The following DRG2 variants were observed in gnomAD, a reference collection of about 807,000 sequenced individuals.
DRG2 encodes developmentally regulated GTP binding protein 2.
In DRG2, 36 loss-of-function variants were observed where a neutral mutation model predicts 53.4. The ratio of observed to expected loss-of-function variants is 0.67; its 90% CI spans 0.52 to 0.89. DRG2 has a LOEUF of 0.89. Among genes scored for constraint, DRG2 ranks in the 40% least tolerant of loss-of-function variants. The pLI is 0.00. For missense variants in DRG2, 342 were observed against 481.2 expected, an observed-to-expected ratio of 0.71 and a Z score of 2.71; for synonymous variants, 167 against 192.1, an observed-to-expected ratio of 0.87 and a Z score of 1.08.
chr17:18,100,080 C>T lies in DRG2; in HGVS notation c.468-283C>T, dbSNP rs149156770. 431 of 578,330 alleles carry T rather than the reference C, an allele frequency of 7.5e-4. 1 individual carries two copies. The highest frequency in any genetic ancestry group is 7.0e-3 in the African/African-American group (373 of 53,610). 35.8% of individuals were successfully genotyped at this position (578,330 alleles called of 1,614,324 possible). On this transcript the variant is annotated intron_variant, in intron 5 of 12. Coordinates refer to ENST00000225729, the MANE Select transcript of DRG2 (RefSeq NM_001388.5). The surrounding 1 kb of genome is among the most constrained non-coding windows in gnomAD (Gnocchi z 4.1). ...GAGGGGTACACCAGGCCTGCCTCCT[C>T]GGGACCAGAAGGAGTACCCTCATGT...
rs184400628 is a variant in DRG2, at chr17:18,101,258, C to T, written c.632-235C>T. On this transcript the variant is annotated intron_variant, in intron 7 of 12. Coordinates refer to ENST00000225729, the MANE Select transcript of DRG2 (RefSeq NM_001388.5). ...GATTCTAGCAGGTACGTTTTTCTCCCTGCCTAGCTGTCAAGATTAAAACTC... is the reference window on the plus strand; with the variant it reads ...GATTCTAGCAGGTACGTTTTTCTCCTTGCCTAGCTGTCAAGATTAAAACTC... 2.4e-3 allele frequency among the ~76,000 whole-genome samples: 373 copies of T among 152,348 alleles called. 4 individuals are homozygous for T. Among genetic ancestry groups the T allele is most frequent in the Admixed American group, 0.021 (326 of 15,296 alleles).
intron 11 of DRG2, chr17:18,105,489 A>G (rs2045613200): frequency 6.6e-6 from 1 of 152,278 alleles, no homozygotes; most frequent in Non-Finnish European, 1.5e-5. Flanking sequence ...GTGCCACCCT[A>G]GAGGTGTTAA....
At chr17:18,090,373 TATATATATATATATATA>T (rs2045297358) in intron 1 of DRG2, among the ~76,000 whole-genome samples, 1 of 10,866 alleles carries the variant, frequency 9.2e-5, no homozygotes, top group Non-Finnish European at 1.5e-4. Flanking sequence ...CTAATTTATA[TATATATATATATATATA>T]TATATATATA....
Position 18,098,911 on chromosome 17 carries a change from C to T in DRG2, c.316-106C>T. On this transcript the variant is annotated intron_variant, in intron 3 of 12. Transcript: ENST00000225729. This position sits in a 1 kb window ranked among gnomAD's most constrained non-coding sequence, Gnocchi z 4.1. ...GGCCACAGGTTGGCATCTGGGTTTC[C>T]CTCAGCCCCTGAGCCCCGGGGCCAT... 7.5e-7 allele frequency: 1 copy of T among 1,329,712 alleles called. No homozygotes were observed. Among genetic ancestry groups the T allele is most frequent in the Non-Finnish European group, 1.1e-6 (1 of 946,424 alleles). 82.4% of individuals were successfully genotyped at this position (1,329,712 alleles called of 1,614,324 possible).
chr17:18,106,509 A>T, intron 12 of DRG2, 23 bp downstream of exon 12: 1 of 1,613,706 alleles, frequency 6.2e-7, no homozygotes, highest in East Asian at 2.2e-5. Context: ...GTGGAAAGCA[A>T]CCAGGGGGGT....
intron 11 of DRG2, 72 bp from the exon 12 acceptor site, chr17:18,106,361 G>A (rs1241878843): frequency 1.3e-6 from 2 of 1,564,302 alleles, no homozygotes; most frequent in Non-Finnish European, 8.8e-7. Context: ...CTGAGCTTTG[G>A]GTGTGCAGCC....
In DRG2 at chr17:18,100,246, A is replaced by C; in HGVS notation, c.468-117A>C. 9.7e-7 allele frequency: 1 copy of C among 1,032,276 alleles called. No individual in the cohort carries two copies. Among genetic ancestry groups the C allele is most frequent in the South Asian group, 1.3e-5 (1 of 75,380 alleles). 63.9% of individuals were successfully genotyped at this position (1,032,276 alleles called of 1,614,324 possible). On this transcript the variant is annotated intron_variant, in intron 5 of 12. Transcript: ENST00000225729. This position sits in a 1 kb window ranked among gnomAD's most constrained non-coding sequence, Gnocchi z 4.1. ...AGGAGTGTTCTCTGGGTTGCTGGGG[A>C]AGGGGGTGGAGGAGAGAGTCAGTCT...
intron 2 of DRG2, among the ~76,000 whole-genome samples, chr17:18,095,196 G>C (rs545918798): frequency 1.3e-5 from 2 of 150,428 alleles, no homozygotes; most frequent in South Asian, 4.2e-4. Context: ...ATTTTTAGTA[G>C]AGGTGGGGTT....
chr17:18,103,093 C>A lies in DRG2; in HGVS notation c.807-708C>A, dbSNP rs1211940037. Among the ~76,000 whole-genome samples, 1 of 152,178 alleles carries A rather than the reference C, an allele frequency of 6.6e-6. No individual in the cohort carries two copies. Among genetic ancestry groups the A allele is most frequent in the Non-Finnish European group, 1.5e-5 (1 of 68,036 alleles). Reference sequence around the variant, plus strand: ...ACCACAAAGAGCAGTGTCAGTTCTACAGCACAGCCTCAGGTCCTCTCCTCC... The same window carrying A: ...ACCACAAAGAGCAGTGTCAGTTCTAAAGCACAGCCTCAGGTCCTCTCCTCC... On this transcript the variant is annotated intron_variant, in intron 9 of 12. Transcript: ENST00000225729. The surrounding 1 kb of genome is among the most constrained non-coding windows in gnomAD (Gnocchi z 4.4).
rs1410508137 is a variant in DRG2, at chr17:18,100,022, GGCACAGAA to G, written c.467+303_467+310del. On this transcript the variant is annotated intron_variant, in intron 5 of 12. Transcript: ENST00000225729. This position sits in a 1 kb window ranked among gnomAD's most constrained non-coding sequence, Gnocchi z 4.1. ...AGAACCTGCCAGGAGCCCAGCCCCAGGCACAGAAGCATTGTTCATCCACATCCTGGCAG... is the reference window on the plus strand; with the variant it reads ...AGAACCTGCCAGGAGCCCAGCCCCAGGCATTGTTCATCCACATCCTGGCAG... The G allele has an allele frequency of 1.9e-5, 11 of 580,152 alleles. No homozygotes were observed. Among genetic ancestry groups the G allele is most frequent in the Non-Finnish European group, 3.4e-5 (11 of 325,482 alleles). 35.9% of individuals were successfully genotyped at this position (580,152 alleles called of 1,614,324 possible). A position where few individuals can be genotyped will look rare whatever the true frequency, so the allele number is the denominator to read the frequency against.
intron 9 of DRG2, 122 bp downstream of exon 9, chr17:18,102,119 C>T: frequency 9.6e-7 from 1 of 1,037,424 alleles, no homozygotes; most frequent in Non-Finnish European, 1.4e-6. Context: ...CAGCAGCACA[C>T]AGCCGTCACG....
Position 18,103,347 on chromosome 17 carries a change from T to C in DRG2, c.807-454T>C, listed in dbSNP as rs1408413405. On this transcript the variant is annotated intron_variant, in intron 9 of 12. Coordinates refer to ENST00000225729, the MANE Select transcript of DRG2 (RefSeq NM_001388.5). This position sits in a 1 kb window ranked among gnomAD's most constrained non-coding sequence, Gnocchi z 4.4. Reference sequence around the variant, plus strand: ...AGGTAGGGACTGGGTTCATGCCTGTTCTACATGTAAAGGCTCTGGTGTCTC... The same window carrying C: ...AGGTAGGGACTGGGTTCATGCCTGTCCTACATGTAAAGGCTCTGGTGTCTC... Among the ~76,000 whole-genome samples, 2 of 152,142 alleles carry C rather than the reference T, an allele frequency of 1.3e-5. No homozygotes were observed. The highest frequency in any genetic ancestry group is 2.1e-4 in the South Asian group (1 of 4,818).
chr17:18,087,984 C>T lies in DRG2; in HGVS notation c.-40C>T, dbSNP rs1023261980. 6 of 1,542,588 alleles carry T rather than the reference C, an allele frequency of 3.9e-6. No homozygotes were observed. The African/African-American group carries it at 4.1e-5, about 11-fold the overall frequency. ...GCCGTCAGACCGGAATTGCCGGTGC[C>T]GCCGCCACCGCTGTCTGTGCGCCCA... On this transcript the variant is annotated 5_prime_UTR_variant, in exon 1 of 13. Coordinates refer to ENST00000225729, the MANE Select transcript of DRG2 (RefSeq NM_001388.5).
At chr17:18,090,387 TATATATATATATATA>T (rs1567597992) in intron 1 of DRG2, among the ~76,000 whole-genome samples, 7 of 12,108 alleles carry the variant, frequency 5.8e-4, no homozygotes, top group East Asian at 3.1e-3. Flanking sequence ...TATATATATA[TATATATATATATATA>T]TATATTTTTT....
intron 1 of DRG2, among the ~76,000 whole-genome samples, chr17:18,090,368 T>TTATATATATATATA (rs1242491729): frequency 7.8e-5 from 2 of 25,510 alleles, no homozygotes; most frequent in African/African-American, 1.4e-4. Flanking sequence ...CCGGGCTAAT[T>TTATATATATATATA]TATATATATA....
At chr17:18,094,133 A>G (rs909360902) in intron 2 of DRG2, 160 bp downstream of exon 2, 12 of 912,478 alleles carry the variant, frequency 1.3e-5, no homozygotes, top group Non-Finnish European at 1.7e-5. Context: ...TCATCCTAAC[A>G]TGGAGGACGC....
At position 18,098,947 on chromosome 17, in the gene DRG2, C is replaced by T; in HGVS notation, c.316-70C>T. On this transcript the variant is annotated intron_variant, in intron 3 of 12. Transcript: ENST00000225729. The surrounding 1 kb of genome is among the most constrained non-coding windows in gnomAD (Gnocchi z 4.1). ...GAGCCCCGGGGCCATTCCAGATGTCCCAGATCCAGACAGGACCTTTCCAGT... is the reference window on the plus strand; with the variant it reads ...GAGCCCCGGGGCCATTCCAGATGTCTCAGATCCAGACAGGACCTTTCCAGT... 1.3e-6 allele frequency: 2 copies of T among 1,575,406 alleles called. No homozygotes were observed. Among genetic ancestry groups the T allele is most frequent in the South Asian group, 1.1e-5 (1 of 89,518 alleles).
chr17:18,090,382 ATATATATATATATATATATATATATT>A (rs1239282334), intron 1 of DRG2, among the ~76,000 whole-genome samples: 3 of 9,620 alleles, frequency 3.1e-4, no homozygotes, highest in African/African-American at 1.8e-3. Context: ...ATATATATAT[ATATATATATATATATATATATATATT>A]TTTTTTTTTT....
At position 18,101,610 on chromosome 17, in the gene DRG2, C is replaced by T. The variant is rs377163233; in HGVS notation, c.729+20C>T. 3.1e-6 allele frequency: 5 copies of T among 1,609,906 alleles called. No homozygotes were observed. In the African/African-American group the frequency reaches 5.3e-5, roughly 17 times the overall value. ...CTGTATGTAAGTGCAGGAGGGGAGCCCTGGCCTGGCCACTCGGCCTTTCTA... is the reference window on the plus strand; with the variant it reads ...CTGTATGTAAGTGCAGGAGGGGAGCTCTGGCCTGGCCACTCGGCCTTTCTA... On this transcript the variant is annotated intron_variant, in intron 8 of 12. Coordinates refer to ENST00000225729, the MANE Select transcript of DRG2 (RefSeq NM_001388.5).
Sources: gnomAD v4.1 joint callset for allele counts (sites outside exome capture counted in the v4.1 genomes callset) on GRCh38, gnomAD v4.1.1 for gene constraint, Gnocchi (gnomAD v3.1) non-coding constraint, MANE v1.5 for transcripts, NCBI Gene and HGNC (gene_info 2026-07-23, HGNC 2026-07-21) for gene names.